WBP2NL: variants seen among roughly 807,000 people sequenced by gnomAD.
WBP2NL encodes the protein WBP2 N-terminal like, also known as postacrosomal sheath WW domain-binding protein.
Under a neutral mutation model 23.3 loss-of-function variants are expected in WBP2NL, and 27 were observed. That is an observed-to-expected ratio of 1.16 (90% confidence interval 0.85 to 1.60). The LOEUF is 1.60. Among genes scored for constraint, WBP2NL ranks in the 40% most tolerant of loss-of-function variants. The pLI is 0.00. For missense variants in WBP2NL, 370 were observed against 389.5 expected (o/e 0.95, Z 0.42); for synonymous variants, 151 against 145.9 (o/e 1.03, Z -0.25).
At chr22:42,002,030 G>A in intron 1 of WBP2NL, 2 of 570,386 alleles carry the variant, frequency 3.5e-6, no homozygotes, top group Admixed American at 3.8e-5. Context: ...TGACTCCGGG[G>A]CTGATTGTGA....
intron 8 of WBP2NL, among the ~76,000 whole-genome samples, chr22:42,051,337 G>C (rs10854749): frequency 6.6e-6 from 1 of 151,962 alleles, no homozygotes; most frequent in South Asian, 2.1e-4. Flanking sequence ...GGCCAGGAGT[G>C]GGGGAGAGGG....
intron 8 of WBP2NL, among the ~76,000 whole-genome samples, chr22:42,051,759 G>C (rs1390886397): frequency 6.6e-6 from 1 of 152,128 alleles, no homozygotes; most frequent in Non-Finnish European, 1.5e-5. Flanking sequence ...TCCCAAGCTA[G>C]GTGGCAAAAA....
intron 1 of WBP2NL, among the ~76,000 whole-genome samples, chr22:42,010,211 G>A (rs1309528300): frequency 1.3e-5 from 2 of 152,142 alleles, no homozygotes; most frequent in Non-Finnish European, 2.9e-5. Context: ...GACTCTTTAA[G>A]TTTATTTACA....
chr22:42,046,858 C>G (rs1389002919), intron 8 of WBP2NL, among the ~76,000 whole-genome samples: 1 of 152,166 alleles, frequency 6.6e-6, no homozygotes, highest in Non-Finnish European at 1.5e-5. Flanking sequence ...TACAAACATA[C>G]GTGCTACCCA....
chr22:42,022,222 C>G lies in WBP2NL; in HGVS notation c.407-27C>G, dbSNP rs768284675. ...TATATCTGACTTAATTAAAAGAGTT[C>G]CTATTTTGCCAAATTTGTCTTTCCA... On this transcript the variant is annotated intron_variant, in intron 4 of 5. Transcript: ENST00000328823. 2.5e-6 allele frequency: 4 copies of G among 1,591,840 alleles called. No homozygotes were observed. In the South Asian group the frequency reaches 4.4e-5, roughly 18 times the overall value.
intron 8 of WBP2NL, among the ~76,000 whole-genome samples, chr22:42,051,545 A>G (rs1925838685): frequency 6.6e-6 from 1 of 152,248 alleles, no homozygotes; most frequent in Non-Finnish European, 1.5e-5. Context: ...ACTATCAATT[A>G]TAACAAATCT....
intron 2 of WBP2NL, 120 bp from the exon 3 acceptor site, chr22:42,019,542 G>T: frequency 6.6e-7 from 1 of 1,524,632 alleles, no homozygotes; most frequent in Non-Finnish European, 9.0e-7. Flanking sequence ...TTTCCACACT[G>T]AAGGGTGGTG....
At chr22:42,007,557 C>A (rs1922368225) in intron 1 of WBP2NL, among the ~76,000 whole-genome samples, 1 of 152,192 alleles carries the variant, frequency 6.6e-6, no homozygotes, top group African/African-American at 2.4e-5. Flanking sequence ...ACAATTCCCT[C>A]TATCCCTCTC....
intron 4 of WBP2NL, among the ~76,000 whole-genome samples, chr22:42,020,550 G>A (rs935917175): frequency 2.0e-5 from 3 of 152,030 alleles, no homozygotes. Context: ...AATCTAGTGG[G>A]AGCTTACAGC....
At chr22:42,054,077 C>T (rs545002852) in intron 8 of WBP2NL, among the ~76,000 whole-genome samples, 4 of 152,196 alleles carry the variant, frequency 2.6e-5, no homozygotes, top group South Asian at 2.1e-4. Flanking sequence ...CAAGTGTATG[C>T]GACTGTGCGG....
At chr22:42,029,806 C>T (rs1924819482), downstream of WBP2NL, 1 of 152,194 alleles carries the variant, frequency 6.6e-6, no homozygotes, top group Non-Finnish European at 1.5e-5. Context: ...GACACAGTTA[C>T]ACCATAACGT....
chr22:42,001,880 G>T, intron 1 of WBP2NL: 1 of 1,488,724 alleles, frequency 6.7e-7, no homozygotes, highest in South Asian at 1.4e-5. Context: ...TGACCCGCTC[G>T]ATGGGTGCTA....
intron 1 of WBP2NL, among the ~76,000 whole-genome samples, chr22:42,017,461 C>A (rs575970757): frequency 1.3e-5 from 2 of 152,192 alleles, no homozygotes; most frequent in African/African-American, 4.8e-5. Context: ...TCTATTAGGT[C>A]ATTCCTAATT....
At chr22:42,001,352 G>C (rs1015105090) in intron 1 of WBP2NL, 4 of 696,746 alleles carry the variant, frequency 5.7e-6, no homozygotes, top group Non-Finnish European at 1.0e-5. Context: ...GTGTTCTTGG[G>C]ATCCGGAAGC....
At chr22:42,012,709 A>T (rs1457562294) in intron 1 of WBP2NL, among the ~76,000 whole-genome samples, 1 of 151,736 alleles carries the variant, frequency 6.6e-6, no homozygotes, top group African/African-American at 2.4e-5. Flanking sequence ...TTTTGTTTTT[A>T]GGGCTGGGCA....
rs749180726 is a variant in WBP2NL at position 41,998,808 on chromosome 22, C to T, written c.-11C>T. 4 of 1,607,698 alleles carry T rather than the reference C, an allele frequency of 2.5e-6. No individual in the cohort carries two copies. Among genetic ancestry groups the T allele is most frequent in the East Asian group, 4.5e-5 (2 of 44,734 alleles). On this transcript the variant is annotated 5_prime_UTR_variant, in exon 1 of 6. Transcript: ENST00000328823. ...TTTCCATCTACGGGGCGGCAGGAGG[C>T]CCGAAGCAAGATGGCGGTGAATCAG...
intron 5 of WBP2NL, among the ~76,000 whole-genome samples, 199 bp from the exon 6 acceptor site, chr22:42,026,567 A>T (rs1055475142): frequency 2.0e-5 from 3 of 152,132 alleles, no homozygotes; most frequent in Non-Finnish European, 1.5e-5. Flanking sequence ...GGTTGTTTTC[A>T]TGTTGATTTG....
downstream of WBP2NL, chr22:42,033,038 C>T (rs879572129): frequency 2.3e-4 from 38 of 168,320 alleles, no homozygotes; most frequent in Non-Finnish European, 3.4e-4. Flanking sequence ...TCCACCCACC[C>T]GGCCTGACAG....
chr22:42,016,053 C>T (rs1057064117), intron 1 of WBP2NL, among the ~76,000 whole-genome samples: 1 of 151,934 alleles, frequency 6.6e-6, no homozygotes, highest in African/African-American at 2.4e-5. Context: ...AAGATCTTGG[C>T]TCACTGCAAA....
Sources: gnomAD v4.1 joint callset for allele counts (sites outside exome capture counted in the v4.1 genomes callset) on GRCh38, gnomAD v4.1.1 for gene constraint, MANE v1.5 for transcripts, NCBI Gene and HGNC (gene_info 2026-07-23, HGNC 2026-07-21) for gene names.